DYNC1I1: variants seen among roughly 807,000 people sequenced by gnomAD.
DYNC1I1 encodes dynein cytoplasmic 1 intermediate chain 1.
A neutral mutation model predicts 86.6 loss-of-function variants in DYNC1I1; 43 were observed. That is an observed-to-expected ratio of 0.50 (90% CI 0.39 to 0.64). DYNC1I1 has a LOEUF of 0.64. Among genes scored for constraint, DYNC1I1 ranks in the 30% least tolerant of loss-of-function variants. The probability of loss-of-function intolerance (pLI) is 0.00; values close to 1 mark genes in which losing one functional copy is unlikely to be tolerated. For synonymous variants in DYNC1I1, 262 were observed against 283.7 expected (o/e 0.92, Z 0.77); for missense variants, 604 against 788.8 (o/e 0.77, Z 2.81).
intron 14 of DYNC1I1, among the ~76,000 whole-genome samples, chr7:96,040,739 T>C (rs1336704167): frequency 6.6e-6 from 1 of 151,920 alleles, no homozygotes; most frequent in Non-Finnish European, 1.5e-5. Context: ...TTCTTTTTTT[T>C]GAAACATAGT....
intron 10 of DYNC1I1, among the ~76,000 whole-genome samples, chr7:96,002,428 A>G (rs1219313329): frequency 2.0e-5 from 3 of 152,178 alleles, no homozygotes; most frequent in Non-Finnish European, 4.4e-5. Flanking sequence ...AGTGAGCTAT[A>G]AGGCCACACA....
chr7:95,793,154 G>T (rs1241315482), intron 1 of DYNC1I1, among the ~76,000 whole-genome samples: 1 of 152,130 alleles, frequency 6.6e-6, no homozygotes, highest in Non-Finnish European at 1.5e-5. Context: ...TGAGTTAGGA[G>T]AGTATTGCAA....
chr7:96,070,356 G>C (rs1790122568), intron 14 of DYNC1I1, among the ~76,000 whole-genome samples: 1 of 152,112 alleles, frequency 6.6e-6, no homozygotes, highest in South Asian at 2.1e-4. Flanking sequence ...GGGGTCCTTT[G>C]GTGGTTTTTT....
At chr7:95,835,647 T>C (rs1369500083) in intron 5 of DYNC1I1, among the ~76,000 whole-genome samples, 2 of 152,148 alleles carry the variant, frequency 1.3e-5, no homozygotes, top group Non-Finnish European at 2.9e-5. Context: ...TTTATGAATC[T>C]GGGTGCTCCT....
At chr7:95,790,095 T>G (rs960732260) in intron 1 of DYNC1I1, among the ~76,000 whole-genome samples, 1 of 152,210 alleles carries the variant, frequency 6.6e-6, no homozygotes, top group South Asian at 2.1e-4. Context: ...CAGATCCTTC[T>G]GTGTTTCCCT....
intron 10 of DYNC1I1, among the ~76,000 whole-genome samples, chr7:96,015,021 T>G (rs987162740): frequency 1.1e-4 from 17 of 152,142 alleles, no homozygotes; most frequent in African/African-American, 4.1e-4. Context: ...CACAAGGCAC[T>G]TTGTGAATCT....
chr7:96,017,624 G>A (rs962213135), intron 10 of DYNC1I1, among the ~76,000 whole-genome samples: 1 of 152,134 alleles, frequency 6.6e-6, no homozygotes, highest in South Asian at 2.1e-4. Context: ...TTCATATCAT[G>A]TGAGTTCAGA....
intron 6 of DYNC1I1, among the ~76,000 whole-genome samples, chr7:95,912,212 T>C (rs1791354889): frequency 1.3e-5 from 2 of 152,092 alleles, no homozygotes; most frequent in African/African-American, 2.4e-5. Flanking sequence ...AATTTTTGTA[T>C]TATTAGTAGA....
chr7:96,034,919 G>T (rs1794896117), intron 12 of DYNC1I1, among the ~76,000 whole-genome samples: 2 of 152,078 alleles, frequency 1.3e-5, no homozygotes, highest in Non-Finnish European at 2.9e-5. Flanking sequence ...AATACTCAGG[G>T]ATATTAGTTA....
chr7:95,871,786 G>A (rs1389045153), intron 6 of DYNC1I1, among the ~76,000 whole-genome samples: 4 of 152,284 alleles, frequency 2.6e-5, no homozygotes, highest in Non-Finnish European at 4.4e-5. Flanking sequence ...TCATTATGCT[G>A]TGGTCCAAGC....
chr7:95,823,988 TTTTTG>T lies in DYNC1I1; in HGVS notation c.315-4064_315-4060del, dbSNP rs1395289224. 8.2e-4 allele frequency among the ~76,000 whole-genome samples: 62 copies of T among 75,674 alleles called. 1 individual carries two copies. The highest frequency in any genetic ancestry group is 9.6e-4 in the Non-Finnish European group (42 of 43,826). 49.6% of individuals were successfully genotyped at this position (75,674 alleles called of 152,430 possible). A position where few individuals can be genotyped will look rare whatever the true frequency, so the allele number is the denominator to read the frequency against. On this transcript the variant is annotated intron_variant, in intron 4 of 16. Transcript: ENST00000447467. ...TATATATATATATATATGTTTTGGT[TTTTTG>T]TTTTTTTTTTTTTTTTTGAGGCAGG...
At chr7:95,932,085 A>T (rs1393360278) in intron 6 of DYNC1I1, among the ~76,000 whole-genome samples, 1 of 152,208 alleles carries the variant, frequency 6.6e-6, no homozygotes, top group Non-Finnish European at 1.5e-5. Context: ...GAATACCTTC[A>T]AGATTTGCTG....
intron 6 of DYNC1I1, among the ~76,000 whole-genome samples, chr7:95,887,281 G>A (rs1790618871): frequency 6.6e-6 from 1 of 152,210 alleles, no homozygotes; most frequent in African/African-American, 2.4e-5. Context: ...AGCCGGGATT[G>A]AGAAGATCAC....
intron 1 of DYNC1I1, among the ~76,000 whole-genome samples, chr7:95,777,736 A>C (rs1462064645): frequency 2.0e-5 from 3 of 152,208 alleles, no homozygotes; most frequent in African/African-American, 7.2e-5. Context: ...CATAATAAAA[A>C]TAATGAATCT....
chr7:95,813,950 G>A (rs916783706), intron 4 of DYNC1I1, among the ~76,000 whole-genome samples: 5 of 152,108 alleles, frequency 3.3e-5, no homozygotes, highest in African/African-American at 1.2e-4. Context: ...TAGACATTCT[G>A]TAATTTAATC....
intron 1 of DYNC1I1, among the ~76,000 whole-genome samples, chr7:95,793,131 T>C (rs1161810465): frequency 6.6e-5 from 10 of 152,098 alleles, no homozygotes; most frequent in Admixed American, 6.5e-4. Context: ...GGCGCAAGTT[T>C]AGCAGAGGAA....
intron 14 of DYNC1I1, among the ~76,000 whole-genome samples, chr7:96,044,748 G>T (rs561218435): frequency 6.6e-6 from 1 of 152,176 alleles, no homozygotes; most frequent in Non-Finnish European, 1.5e-5. Flanking sequence ...TCTTAATGCT[G>T]TAGGGGGTTA....
chr7:95,992,629 C>CTTTTTTTTTT (rs928295905), intron 9 of DYNC1I1, among the ~76,000 whole-genome samples: 108 of 148,084 alleles, frequency 7.3e-4, no homozygotes, highest in Middle Eastern at 3.5e-3. Flanking sequence ...ATGCTAGGTT[C>CTTTTTTTTTT]TTTTTTTTTT....
chr7:96,024,746 A>T (rs1277990925), intron 10 of DYNC1I1, among the ~76,000 whole-genome samples: 1 of 152,130 alleles, frequency 6.6e-6, no homozygotes, highest in Non-Finnish European at 1.5e-5. Flanking sequence ...GGACAAAAAA[A>T]CCCCACATTT....
Sources: allele counts gnomAD v4.1 joint callset (sites outside exome capture counted in the v4.1 genomes callset), GRCh38; gene constraint gnomAD v4.1.1; transcripts MANE v1.5; gene names NCBI Gene and HGNC (gene_info 2026-07-23, HGNC 2026-07-21).